TRPM3: variants seen among roughly 807,000 people sequenced by gnomAD.
TRPM3 encodes transient receptor potential cation channel subfamily M member 3, also known as long transient receptor potential channel 3.
TRPM3 carries 77 observed loss-of-function variants against 181.2 expected under a neutral mutation model. That is an observed-to-expected ratio of 0.42 (90% CI 0.35 to 0.51). TRPM3 has a LOEUF of 0.51. TRPM3 is among the 20% of genes least tolerant of loss of function. TRPM3 has a pLI of 0.01. For synonymous variants in TRPM3, 745 were observed against 796.4 expected (o/e 0.94, Z 1.09); for missense variants, 1,759 against 2,196.7 (o/e 0.80, Z 3.98).
chr9:71,165,869 G>A (rs564369716), intron 1 of TRPM3, among the ~76,000 whole-genome samples: 3 of 152,260 alleles, frequency 2.0e-5, no homozygotes, highest in African/African-American at 7.2e-5. Context: ...CTATCCCCAG[G>A]AATGTGGGAC....
intron 1 of TRPM3, among the ~76,000 whole-genome samples, chr9:70,908,656 G>A (rs1228285926): frequency 6.6e-6 from 1 of 152,188 alleles, no homozygotes; most frequent in African/African-American, 2.4e-5. Flanking sequence ...TTAAATCCCA[G>A]GGAGAGATTC....
intron 7 of TRPM3, among the ~76,000 whole-genome samples, chr9:70,772,750 T>C (rs2080571729): frequency 6.6e-6 from 1 of 152,120 alleles, no homozygotes; most frequent in South Asian, 2.1e-4. Context: ...GCTGTGTCTC[T>C]GTCATGTCTC....
At chr9:71,195,200 C>T (rs1479572473) in intron 1 of TRPM3, among the ~76,000 whole-genome samples, 6 of 152,032 alleles carry the variant, frequency 3.9e-5, no homozygotes, top group Non-Finnish European at 5.9e-5. Flanking sequence ...GCAAAAGAAA[C>T]TATCGACAGA....
At chr9:71,350,932 G>T (rs1253418549) in intron 1 of TRPM3, among the ~76,000 whole-genome samples, 1 of 152,150 alleles carries the variant, frequency 6.6e-6, no homozygotes, top group African/African-American at 2.4e-5. Flanking sequence ...ATTAGGCTAT[G>T]TTGATATCTA....
chr9:70,956,279 T>C (rs1173159072), intron 1 of TRPM3, among the ~76,000 whole-genome samples: 1 of 138,484 alleles, frequency 7.2e-6, no homozygotes, highest in African/African-American at 2.6e-5. Flanking sequence ...GCCTCATCTC[T>C]ACCAGGAGAA....
chr9:71,052,466 A>G (rs866146465), intron 1 of TRPM3, among the ~76,000 whole-genome samples: 1 of 152,174 alleles, frequency 6.6e-6, no homozygotes. Flanking sequence ...GCAGGAAAGA[A>G]TTCCATATTC....
chr9:71,322,014 G>A (rs900341912), intron 1 of TRPM3, among the ~76,000 whole-genome samples: 1 of 152,096 alleles, frequency 6.6e-6, no homozygotes, highest in Admixed American at 6.6e-5. Context: ...ATACACAGAA[G>A]TAAGAAAGCT....
chr9:70,813,667 GA>G (rs891349805), intron 6 of TRPM3, among the ~76,000 whole-genome samples: 13 of 151,742 alleles, frequency 8.6e-5, no homozygotes, highest in Admixed American at 7.2e-4. Flanking sequence ...AAAAATTAGA[GA>G]AAAAAAACAC....
intron 1 of TRPM3, among the ~76,000 whole-genome samples, chr9:71,191,132 C>T (rs2077995919): frequency 6.6e-6 from 1 of 151,794 alleles, no homozygotes; most frequent in African/African-American, 2.4e-5. Context: ...AGGCCACACA[C>T]TGAAAATAAT....
intron 1 of TRPM3, among the ~76,000 whole-genome samples, chr9:71,199,560 T>TG (rs1270687404): frequency 6.6e-6 from 1 of 152,240 alleles, no homozygotes; most frequent in African/African-American, 2.4e-5. Flanking sequence ...AGCCTGTTAT[T>TG]GATCTATTCA....
chr9:71,010,566 G>A (rs1281794026), intron 1 of TRPM3, among the ~76,000 whole-genome samples: 1 of 152,088 alleles, frequency 6.6e-6, no homozygotes, highest in Non-Finnish European at 1.5e-5. Flanking sequence ...CAGCCATAAT[G>A]AGATAGCACC....
intron 1 of TRPM3, among the ~76,000 whole-genome samples, chr9:70,976,261 C>G (rs1381119149): frequency 6.6e-6 from 1 of 152,148 alleles, no homozygotes; most frequent in Non-Finnish European, 1.5e-5. Context: ...GCCAAAACCT[C>G]AGGAAATGAA....
At chr9:70,593,137 T>A (rs1347636296) in intron 21 of TRPM3, among the ~76,000 whole-genome samples, 1 of 152,238 alleles carries the variant, frequency 6.6e-6, no homozygotes, top group Non-Finnish European at 1.5e-5. Context: ...AACTTCAAAA[T>A]GCATCTCACA....
intron 6 of TRPM3, among the ~76,000 whole-genome samples, chr9:70,803,060 C>A (rs10868891): frequency 0.65 from 69,202 of 105,798 alleles, 19,699 homozygotes; most frequent in East Asian, 0.73. Context: ...AAAAAAAAAA[C>A]AAAGGCCCAA....
At chr9:70,910,130 T>C (rs2096523742) in intron 1 of TRPM3, among the ~76,000 whole-genome samples, 3 of 152,224 alleles carry the variant, frequency 2.0e-5, no homozygotes, top group Non-Finnish European at 2.9e-5. Context: ...TTATTCATAA[T>C]AGTCTCAAAT....
chr9:71,080,673 G>C (rs2064163379), intron 1 of TRPM3, among the ~76,000 whole-genome samples: 1 of 152,122 alleles, frequency 6.6e-6, no homozygotes, highest in African/African-American at 2.4e-5. Context: ...CTCTCCCCAA[G>C]TCTCTCCTTC....
In TRPM3 at chr9:71,281,808, TC is replaced by T. The variant is rs537493398; in HGVS notation, c.183+164844del. Among the ~76,000 whole-genome samples, 38 of 152,230 alleles carry T rather than the reference TC, an allele frequency of 2.5e-4. No individual in the cohort carries two copies. The South Asian group carries it at 7.1e-3, about 28-fold the overall frequency. ...CAGGTGCGGTGGATCACACCTGTAA[TC>T]CCAGCACTTTGGGAGGCCAAGGTGG... On this transcript the variant is annotated intron_variant, in intron 1 of 24. Coordinates refer to the TRPM3 transcript ENST00000357533.
chr9:70,811,690 T>C (rs561823930), intron 6 of TRPM3, among the ~76,000 whole-genome samples: 2 of 152,360 alleles, frequency 1.3e-5, no homozygotes, highest in South Asian at 4.1e-4. Context: ...CCTTCCCTCC[T>C]TTTAATAACA....
intron 1 of TRPM3, among the ~76,000 whole-genome samples, chr9:71,001,641 A>G (rs1362999495): frequency 6.6e-6 from 1 of 152,232 alleles, no homozygotes; most frequent in Admixed American, 6.5e-5. Context: ...AAAAACATTG[A>G]GTCCCTAGCC....
Sources: gnomAD v4.1 joint callset for allele counts (sites outside exome capture counted in the v4.1 genomes callset) on GRCh38, gnomAD v4.1.1 for gene constraint, MANE v1.5 for transcripts, NCBI Gene and HGNC (gene_info 2026-07-23, HGNC 2026-07-21) for gene names.